The following CRACDL variants were observed in gnomAD, a reference collection of about 807,000 sequenced individuals.
CRACDL encodes the protein CRACD-like protein.
CRACDL carries 26 observed loss-of-function variants against 70.6 expected under a neutral mutation model. That is an observed-to-expected ratio of 0.37 (90% CI 0.27 to 0.51). The LOEUF (loss-of-function observed/expected upper bound fraction) is 0.51, where lower values mean the gene tolerates loss of function less well. CRACDL is among the 20% of genes least tolerant of loss of function. CRACDL has a pLI of 0.94. For missense variants in CRACDL, 1,283 were observed against 1,376.9 expected, an observed-to-expected ratio of 0.93 and a Z score of 1.08; for synonymous variants, 618 against 615.2, an observed-to-expected ratio of 1.00 and a Z score of -0.07.
intron 1 of CRACDL, among the ~76,000 whole-genome samples, chr2:98,855,896 A>T (rs1485220267): frequency 6.6e-6 from 1 of 152,180 alleles, no homozygotes; most frequent in African/African-American, 2.4e-5. Context: ...TTGGCACAAT[A>T]AAAAAATCAG....
intron 7 of CRACDL, among the ~76,000 whole-genome samples, chr2:98,817,198 C>T (rs191024944): frequency 9.2e-5 from 14 of 151,760 alleles, no homozygotes; most frequent in African/African-American, 2.9e-4. Context: ...AGGAGCTGGG[C>T]GGGGGAGAGG....
intron 1 of CRACDL, among the ~76,000 whole-genome samples, chr2:98,916,989 A>G (rs1708682572): frequency 6.6e-6 from 1 of 152,216 alleles, no homozygotes. Context: ...TCTGAATGAA[A>G]TGAAGCTGAG....
chr2:98,857,228 A>ACATGATC (rs1467158212), intron 1 of CRACDL, among the ~76,000 whole-genome samples: 1 of 152,266 alleles, frequency 6.6e-6, no homozygotes, highest in Non-Finnish European at 1.5e-5. Flanking sequence ...TCAGATGGTA[A>ACATGATC]CATGATCCAC....
intron 7 of CRACDL, among the ~76,000 whole-genome samples, chr2:98,815,385 T>C (rs548920180): frequency 1.2e-4 from 19 of 152,346 alleles, no homozygotes; most frequent in African/African-American, 4.6e-4. Context: ...CATACACACA[T>C]TTAAAGGATA....
intron 1 of CRACDL, among the ~76,000 whole-genome samples, chr2:98,851,209 T>C (rs926674814): frequency 1.3e-5 from 2 of 152,164 alleles, no homozygotes; most frequent in Non-Finnish European, 1.5e-5. Flanking sequence ...TGAACATCCC[T>C]TCCTCCCAAG....
chr2:98,928,010 G>T (rs973705949), intron 1 of CRACDL, among the ~76,000 whole-genome samples: 2 of 151,904 alleles, frequency 1.3e-5, no homozygotes, highest in Non-Finnish European at 2.9e-5. Context: ...GTGAAACCCT[G>T]TCTCTGCTAA....
At chr2:98,855,529 T>C (rs1006656695) in intron 1 of CRACDL, among the ~76,000 whole-genome samples, 4 of 152,212 alleles carry the variant, frequency 2.6e-5, no homozygotes, top group South Asian at 4.1e-4. Context: ...TAAAAAGTTA[T>C]ACAAAAGTTA....
chr2:98,840,940 G>A (rs1015007312), intron 2 of CRACDL, among the ~76,000 whole-genome samples: 1 of 152,072 alleles, frequency 6.6e-6, no homozygotes, highest in Non-Finnish European at 1.5e-5. Flanking sequence ...CCCACCTGAT[G>A]CTTAAAGGAA....
chr2:98,793,893 A>G lies in CRACDL; in HGVS notation c.*639T>C, dbSNP rs1236788289. On this transcript the variant is annotated 3_prime_UTR_variant, in exon 10 of 10. Transcript: ENST00000397899. ...ACAGGCAATGCATTGTGCAGTGGTT[A>G]AAGACACAGATGCCTAGTGGAAAAG... is the stretch of plus-strand genomic sequence containing the variant. 2 of 152,720 alleles carry G rather than the reference A, an allele frequency of 1.3e-5. No individual in the cohort carries two copies. The highest frequency in any genetic ancestry group is 4.8e-5 in the African/African-American group (2 of 41,462). 9.5% of individuals were successfully genotyped at this position (152,720 alleles called of 1,614,324 possible). A position where few individuals can be genotyped will look rare whatever the true frequency, so the allele number is the denominator to read the frequency against.
intron 2 of CRACDL, among the ~76,000 whole-genome samples, chr2:98,841,179 C>G (rs1039313656): frequency 6.6e-6 from 1 of 151,962 alleles, no homozygotes; most frequent in African/African-American, 2.4e-5. Context: ...TTTTCTGAAC[C>G]TTTATAGTTA....
chr2:98,834,413 C>T (rs781490882), intron 3 of CRACDL, among the ~76,000 whole-genome samples: 1 of 152,172 alleles, frequency 6.6e-6, no homozygotes, highest in African/African-American at 2.4e-5. Context: ...GGTCTCTACA[C>T]GCTGCATGCA....
intron 7 of CRACDL, among the ~76,000 whole-genome samples, chr2:98,810,461 G>A (rs1000303519): frequency 1.3e-5 from 2 of 152,320 alleles, no homozygotes; most frequent in Non-Finnish European, 2.9e-5. Context: ...AGGGTAAGAA[G>A]AGAGTTGGAG....
chr2:98,899,806 G>A (rs1375685608), intron 1 of CRACDL, among the ~76,000 whole-genome samples: 5 of 132,244 alleles, frequency 3.8e-5, no homozygotes, highest in Non-Finnish European at 6.5e-5. Context: ...AGGGAATGGA[G>A]GCTCAGTGGG....
chr2:98,852,812 G>A (rs1706533200), intron 1 of CRACDL, among the ~76,000 whole-genome samples: 1 of 152,062 alleles, frequency 6.6e-6, no homozygotes, highest in African/African-American at 2.4e-5. Context: ...GGAAAAAAGT[G>A]AATCTGAACA....
chr2:98,820,949 C>T (rs1347025282), intron 7 of CRACDL, among the ~76,000 whole-genome samples: 1 of 152,166 alleles, frequency 6.6e-6, no homozygotes, highest in Non-Finnish European at 1.5e-5. Context: ...CATTTATAGC[C>T]AAGAAATAGC....
intron 1 of CRACDL, among the ~76,000 whole-genome samples, chr2:98,920,503 C>A (rs925814990): frequency 2.2e-4 from 34 of 152,162 alleles, no homozygotes; most frequent in African/African-American, 8.0e-4. Context: ...CACTTTCCTG[C>A]GGGACACAGG....
At chr2:98,885,066 G>A (rs538061955) in intron 1 of CRACDL, among the ~76,000 whole-genome samples, 2 of 152,318 alleles carry the variant, frequency 1.3e-5, no homozygotes, top group East Asian at 3.9e-4. Flanking sequence ...ATAGAAAGGT[G>A]TAGGAGTGTG....
At position 98,798,481 on chromosome 2, in the gene CRACDL, C is replaced by T. The variant is rs1703936564; in HGVS notation, c.2417-944G>A. 2.4e-5 allele frequency among the ~76,000 whole-genome samples: 3 copies of T among 127,062 alleles called. 1 individual carries two copies. In the South Asian group the frequency reaches 8.4e-4, roughly 36 times the overall value. The allele number at this position is 127,062 out of a possible 152,430, so 83.4% of individuals were successfully genotyped here. A position where few individuals can be genotyped will look rare whatever the true frequency, so the allele number is the denominator to read the frequency against. ...AAAAAAAAAAAAAAAAAAAGAGTGACACTCTGTCTCAAAAAAAAGACACCA... is the reference window on the plus strand; with the variant it reads ...AAAAAAAAAAAAAAAAAAAGAGTGATACTCTGTCTCAAAAAAAAGACACCA... On this transcript the variant is annotated intron_variant, in intron 7 of 9. Transcript: ENST00000397899.
intron 1 of CRACDL, among the ~76,000 whole-genome samples, chr2:98,927,986 G>A (rs1005006049): frequency 6.6e-6 from 1 of 151,964 alleles, no homozygotes; most frequent in African/African-American, 2.4e-5. Context: ...TTCAAGACCA[G>A]CCTGGCCAAC....
Sources: allele counts gnomAD v4.1 joint callset (sites outside exome capture counted in the v4.1 genomes callset), GRCh38; gene constraint gnomAD v4.1.1; transcripts MANE v1.5; gene names NCBI Gene and HGNC (gene_info 2026-07-23, HGNC 2026-07-21).